The following SPTBN1 variants were observed in gnomAD, a reference collection of about 807,000 sequenced individuals.
SPTBN1 encodes the protein spectrin beta, non-erythrocytic 1.
SPTBN1 carries 32 observed loss-of-function variants against 266.4 expected under a neutral mutation model. The observed-to-expected ratio is 0.12, with a 90% CI of 0.09 to 0.16. The LOEUF is 0.16. Ranked by LOEUF, SPTBN1 falls within the 10% of genes least tolerant of loss-of-function variation. The pLI, the probability that SPTBN1 is intolerant of heterozygous loss-of-function variation, is 1.00. For missense variants in SPTBN1, 2,296 were observed against 3,067.1 expected, an observed-to-expected ratio of 0.75 and a Z score of 5.94; for synonymous variants, 1,336 against 1,162.2, an observed-to-expected ratio of 1.15 and a Z score of -3.04.
rs1361768970 is a variant in SPTBN1 at position 54,671,194 on chromosome 2, A to G, written c.*2625A>G. On this transcript the variant is annotated 3_prime_UTR_variant, in exon 36 of 36. Coordinates refer to ENST00000356805, the MANE Select transcript of SPTBN1 (RefSeq NM_003128.3). ...ACTTGAGCATCTCAAGTTGGGATGCATCTTCTGATGGCACTTCCGGAACTG... is the reference window on the plus strand; with the variant it reads ...ACTTGAGCATCTCAAGTTGGGATGCGTCTTCTGATGGCACTTCCGGAACTG... The G allele has an allele frequency of 6.1e-6, 1 of 164,642 alleles. No homozygotes were observed. Among genetic ancestry groups the G allele is most frequent in the East Asian group, 1.6e-4 (1 of 6,088 alleles). The allele number at this position is 164,642 out of a possible 1,614,324, so 10.2% of individuals were successfully genotyped here. A position where few individuals can be genotyped will look rare whatever the true frequency, so the allele number is the denominator to read the frequency against.
intron 17 of SPTBN1, among the ~76,000 whole-genome samples, chr2:54,635,015 G>A (rs1015162324): frequency 7.2e-5 from 11 of 152,314 alleles, no homozygotes; most frequent in Middle Eastern, 3.4e-3. Flanking sequence ...GTCTCACACC[G>A]GAAAACAGGC....
chr2:54,593,823 CTT>C (rs374877354), intron 2 of SPTBN1, among the ~76,000 whole-genome samples: 9,917 of 63,192 alleles, frequency 0.16, 165 homozygotes, highest in Middle Eastern at 0.19. Context: ...CATGGAAACA[CTT>C]TTTTTTTTTT....
chr2:54,576,092 T>G (rs1674457521), intron 2 of SPTBN1, among the ~76,000 whole-genome samples: 1 of 131,250 alleles, frequency 7.6e-6, no homozygotes, highest in African/African-American at 3.0e-5. Context: ...TCTGGCTGTG[T>G]CTCCCAGGCT....
intron 26 of SPTBN1, among the ~76,000 whole-genome samples, chr2:54,652,161 C>A (rs922387871): frequency 6.6e-6 from 1 of 152,072 alleles, no homozygotes. Context: ...TATGTGTATG[C>A]CTTTAATTAG....
chr2:54,558,053 G>GC lies in SPTBN1; in HGVS notation c.148+31488dup. 1.0e-6 allele frequency: 1 copy of GC among 985,424 alleles called. No individual in the cohort carries two copies. Among genetic ancestry groups the GC allele is most frequent in the Non-Finnish European group, 1.2e-6 (1 of 829,926 alleles). The allele number at this position is 985,424 out of a possible 1,614,324, so 61.0% of individuals were successfully genotyped here. On this transcript the variant is annotated intron_variant, in intron 2 of 35. Transcript: ENST00000356805. The surrounding 1 kb of genome is among the most constrained non-coding windows in gnomAD (Gnocchi z 4.6). The stretch of plus-strand genomic sequence containing the variant: ...TCACTCTCCAGGCCGTCCCGTGGGC[G>GC]CGCTAGCCTTTTCAAGTGATAGTAA...
At chr2:54,560,592 C>A (rs1470953952) in intron 2 of SPTBN1, among the ~76,000 whole-genome samples, 4 of 152,174 alleles carry the variant, frequency 2.6e-5, no homozygotes, top group African/African-American at 9.7e-5. Context: ...TATTTTACCT[C>A]ATACGCTGTT....
At chr2:54,579,045 CAAAAGTAATTGTGGCTTTTGCAATT>C (rs1172624595) in intron 2 of SPTBN1, among the ~76,000 whole-genome samples, 57 of 152,218 alleles carry the variant, frequency 3.7e-4, no homozygotes, top group African/African-American at 1.2e-3. Flanking sequence ...TAGGCTGGTG[CAAAAGTAATTGTGGCTTTTGCAATT>C]AAAAGTAATG....
At position 54,664,971 on chromosome 2, in the gene SPTBN1, T is replaced by C; in HGVS notation, c.6659+280T>C. ...TTGCTAGATTGAGACTGAAGAGTCT[T>C]CTTTACTTTAAGTGATTGATTTCAT... On this transcript the variant is annotated intron_variant, in intron 33 of 35. Transcript: ENST00000356805. The surrounding 1 kb of genome is among the most constrained non-coding windows in gnomAD (Gnocchi z 5.6). 1.0e-5 allele frequency: 4 copies of C among 389,456 alleles called. No homozygotes were observed. The South Asian group carries it at 1.4e-4, about 14-fold the overall frequency. 24.1% of individuals were successfully genotyped at this position (389,456 alleles called of 1,614,324 possible).
In SPTBN1 at chr2:54,633,039, C is replaced by T. The variant is rs1022184992; in HGVS notation, c.3767+271C>T. Among the ~76,000 whole-genome samples, 5 of 150,272 alleles carry T rather than the reference C, an allele frequency of 3.3e-5. No homozygotes were observed. The East Asian group carries it at 7.7e-4, about 23-fold the overall frequency. On this transcript the variant is annotated intron_variant, in intron 17 of 35. Transcript: ENST00000356805. ...ATTCTTAACCGAGGACCTGTAAGAG[C>T]CGTAGTGCTGCATCGCGATCAGGTG... is the stretch of plus-strand genomic sequence containing the variant.
chr2:54,586,405 T>C (rs773365016), intron 2 of SPTBN1, among the ~76,000 whole-genome samples: 1 of 152,248 alleles, frequency 6.6e-6, no homozygotes, highest in African/African-American at 2.4e-5. Context: ...TATTTTTAAA[T>C]ATAATTCCTC....
intron 1 of SPTBN1, among the ~76,000 whole-genome samples, chr2:54,521,480 A>G (rs959158110): frequency 6.6e-6 from 1 of 152,226 alleles, no homozygotes; most frequent in Non-Finnish European, 1.5e-5. Flanking sequence ...CAAATTCTGG[A>G]CACTTGAGTG....
rs768227390 is a variant in SPTBN1 at position 54,646,857 on chromosome 2, G to A, written c.4867-274G>A. Reference sequence around the variant, plus strand: ...TTGAGGGACCTTGAGGAATTCCAGCGAACCAGGCACACTTGGTCTGCCCAA... The same window carrying A: ...TTGAGGGACCTTGAGGAATTCCAGCAAACCAGGCACACTTGGTCTGCCCAA... On this transcript the variant is annotated intron_variant, in intron 23 of 35. Coordinates refer to ENST00000356805, the MANE Select transcript of SPTBN1 (RefSeq NM_003128.3). This position sits in a 1 kb window ranked among gnomAD's most constrained non-coding sequence, Gnocchi z 4.4. 2.4e-4 allele frequency among the ~76,000 whole-genome samples: 37 copies of A among 152,294 alleles called. No homozygotes were observed. The highest frequency in any genetic ancestry group is 1.9e-4 in the East Asian group (1 of 5,180).
rs1673063962 is a variant in SPTBN1, at chr2:54,558,767, A to G, written c.148+32201A>G. The G allele has an allele frequency of 1.9e-6, 3 of 1,610,444 alleles. No individual in the cohort carries two copies. The highest frequency in any genetic ancestry group is 1.7e-6 in the Non-Finnish European group (2 of 1,177,798). ...CCAGGGCGCAGTCCTCCGGGGCGTT[A>G]CGCCGGGCATAATGGAATTGCAGAG... On this transcript the variant is annotated intron_variant, in intron 2 of 35. Coordinates refer to ENST00000356805, the MANE Select transcript of SPTBN1 (RefSeq NM_003128.3). The surrounding 1 kb of genome is among the most constrained non-coding windows in gnomAD (Gnocchi z 4.6).
At chr2:54,614,815 A>G (rs895946267) in intron 4 of SPTBN1, among the ~76,000 whole-genome samples, 11 of 152,134 alleles carry the variant, frequency 7.2e-5, no homozygotes, top group African/African-American at 2.7e-4. Context: ...AAAAAAGTAA[A>G]AGATGGTGAG....
intron 9 of SPTBN1, 132 bp downstream of exon 9, chr2:54,622,619 T>C (rs1454564610): frequency 2.0e-6 from 2 of 1,017,056 alleles, no homozygotes; most frequent in Non-Finnish European, 2.9e-6. Context: ...CTACTCCTTT[T>C]CATCTGACTC....
chr2:54,609,033 G>T (rs1337544435), intron 3 of SPTBN1, among the ~76,000 whole-genome samples: 1 of 152,130 alleles, frequency 6.6e-6, no homozygotes. Flanking sequence ...AAGGTGGGGG[G>T]ATTGGTCTTG....
chr2:54,661,811 G>C (rs992049042), intron 32 of SPTBN1: 1 of 985,196 alleles, frequency 1.0e-6, no homozygotes, highest in Admixed American at 6.2e-5. Context: ...GTATCTAGAA[G>C]ACCCTCCAAA....
At chr2:54,480,426 G>A (rs1005821652) in intron 1 of SPTBN1, among the ~76,000 whole-genome samples, 2 of 152,116 alleles carry the variant, frequency 1.3e-5, no homozygotes, top group African/African-American at 2.4e-5. Flanking sequence ...ACAACACATC[G>A]TTTTTTAGTG....
chr2:54,618,203 C>G lies in SPTBN1; in HGVS notation c.763+10C>G. The G allele has an allele frequency of 6.2e-7, 1 of 1,609,464 alleles. No homozygotes were observed. The highest frequency in any genetic ancestry group is 8.5e-7 in the Non-Finnish European group (1 of 1,175,978). On this transcript the variant is annotated intron_variant, in intron 7 of 35. Coordinates refer to ENST00000356805, the MANE Select transcript of SPTBN1 (RefSeq NM_003128.3). ...CTGTTGGACCCCGAAGGTAGGGACT[C>G]AAGGGATTACAGGTGGGATTTTTAG...
Sources: allele counts gnomAD v4.1 joint callset (sites outside exome capture counted in the v4.1 genomes callset), GRCh38; gene constraint gnomAD v4.1.1; non-coding constraint Gnocchi (gnomAD v3.1); transcripts MANE v1.5; gene names NCBI Gene and HGNC (gene_info 2026-07-23, HGNC 2026-07-21).